The following SDK1 variants were observed in gnomAD, a reference collection of about 807,000 sequenced individuals.
SDK1 encodes the protein protein sidekick-1.
A neutral mutation model predicts 245.5 loss-of-function variants in SDK1; 157 were observed. The ratio of observed to expected loss-of-function variants is 0.64; its 90% CI spans 0.56 to 0.73. The LOEUF (loss-of-function observed/expected upper bound fraction) is 0.73. Among genes scored for constraint, SDK1 ranks in the 30% least tolerant of loss-of-function variants. The pLI, the probability that SDK1 is intolerant of heterozygous loss-of-function variation, is 0.00. For synonymous variants in SDK1, 1,647 were observed against 1,278.5 expected, an observed-to-expected ratio of 1.29 and a Z score of -6.15; for missense variants, 3,583 against 3,002.3, an observed-to-expected ratio of 1.19 and a Z score of -4.52.
At chr7:3,720,770 T>G (rs1013942337) in intron 4 of SDK1, among the ~76,000 whole-genome samples, 1 of 152,216 alleles carries the variant, frequency 6.6e-6, no homozygotes, top group Non-Finnish European at 1.5e-5. Flanking sequence ...GAATGAAAAC[T>G]ACGTTCACAC....
At chr7:3,304,060 G>A (rs1779352443) in intron 1 of SDK1, among the ~76,000 whole-genome samples, 1 of 152,122 alleles carries the variant, frequency 6.6e-6, no homozygotes, top group African/African-American at 2.4e-5. Context: ...GAGAAAAAAC[G>A]TGCGACATTG....
At chr7:3,565,399 C>T (rs554344783) in intron 1 of SDK1, among the ~76,000 whole-genome samples, 3 of 152,254 alleles carry the variant, frequency 2.0e-5, no homozygotes, top group Non-Finnish European at 2.9e-5. Flanking sequence ...ATGCTCATTA[C>T]CTCTGCTGCT....
intron 5 of SDK1, among the ~76,000 whole-genome samples, chr7:3,941,907 C>CTT (rs72338979): frequency 0.064 from 8,219 of 128,138 alleles, 904 homozygotes; most frequent in African/African-American, 0.21. Flanking sequence ...AGACTTCATT[C>CTT]TTTTTTTTTT....
chr7:3,753,817 G>T (rs534646006), intron 4 of SDK1, among the ~76,000 whole-genome samples: 2 of 152,148 alleles, frequency 1.3e-5, no homozygotes, highest in Non-Finnish European at 2.9e-5. Flanking sequence ...ATGTTTCCAC[G>T]TAGCTAGAAT....
At chr7:3,837,090 G>C (rs1186293661) in intron 5 of SDK1, among the ~76,000 whole-genome samples, 3 of 152,010 alleles carry the variant, frequency 2.0e-5, no homozygotes, top group Non-Finnish European at 4.4e-5. Flanking sequence ...ACTTCCTTAA[G>C]GGCCCTGTCT....
chr7:3,736,805 A>C (rs1779329687), intron 4 of SDK1, among the ~76,000 whole-genome samples: 1 of 152,206 alleles, frequency 6.6e-6, no homozygotes, highest in Admixed American at 6.5e-5. Flanking sequence ...GAGAACCACT[A>C]AGATCTACTT....
intron 17 of SDK1, among the ~76,000 whole-genome samples, chr7:4,036,105 CCT>C (rs1337375820): frequency 6.6e-6 from 1 of 152,160 alleles, no homozygotes; most frequent in African/African-American, 2.4e-5. Context: ...TTAATGATAA[CCT>C]CTTCAAATAT....
chr7:4,031,257 G>A (rs1028297528), intron 17 of SDK1, among the ~76,000 whole-genome samples: 2 of 152,072 alleles, frequency 1.3e-5, no homozygotes, highest in Non-Finnish European at 2.9e-5. Context: ...CGGCTTCTGT[G>A]TAATTGAAAA....
intron 17 of SDK1, among the ~76,000 whole-genome samples, chr7:4,048,200 G>A (rs58631913): frequency 0.014 from 2,153 of 152,172 alleles, 56 homozygotes; most frequent in African/African-American, 0.05. Context: ...CTTTCTCTGC[G>A]TGGATCCACA....
intron 5 of SDK1, among the ~76,000 whole-genome samples, chr7:3,918,135 C>T (rs565245891): frequency 1.3e-5 from 2 of 152,298 alleles, no homozygotes; most frequent in African/African-American, 4.8e-5. Context: ...TCAAACTCAA[C>T]AGAAGATCAG....
chr7:3,957,436 C>G (rs551744105), intron 7 of SDK1, among the ~76,000 whole-genome samples: 1 of 152,202 alleles, frequency 6.6e-6, no homozygotes, highest in African/African-American at 2.4e-5. Flanking sequence ...TTCAGTGTTA[C>G]AGTGTTACTT....
chr7:4,145,448 G>A (rs893250150), intron 28 of SDK1, among the ~76,000 whole-genome samples: 8 of 152,068 alleles, frequency 5.3e-5, no homozygotes, highest in African/African-American at 1.7e-4. Flanking sequence ...TGGCATGCTC[G>A]CCTCGTGCCC....
intron 4 of SDK1, among the ~76,000 whole-genome samples, chr7:3,705,040 G>C (rs1405523466): frequency 6.6e-6 from 1 of 152,058 alleles, no homozygotes; most frequent in African/African-American, 2.4e-5. Context: ...CTGTTTCATT[G>C]GTCTATGTGT....
intron 37 of SDK1, among the ~76,000 whole-genome samples, chr7:4,208,516 A>C (rs2128227802): frequency 6.6e-6 from 1 of 152,302 alleles, no homozygotes; most frequent in Non-Finnish European, 1.5e-5. Context: ...GGTGGGTTGG[A>C]GCAATGCATG....
intron 1 of SDK1, among the ~76,000 whole-genome samples, chr7:3,435,959 C>T (rs1192958984): frequency 6.6e-6 from 1 of 152,308 alleles, no homozygotes; most frequent in African/African-American, 2.4e-5. Context: ...AGAACTGTTG[C>T]TCTGGCCTAA....
intron 22 of SDK1, among the ~76,000 whole-genome samples, chr7:4,088,123 G>A (rs551094010): frequency 4.4e-4 from 67 of 152,286 alleles, no homozygotes; most frequent in African/African-American, 1.4e-3. Flanking sequence ...CCATGAAGCC[G>A]GATTGGAGCC....
chr7:4,220,190 C>G lies in SDK1; in HGVS notation c.5621C>G (p.Thr1874Ser). 6.2e-7 allele frequency: 1 copy of G among 1,614,088 alleles called. No homozygotes were observed. Among genetic ancestry groups the G allele is most frequent in the Non-Finnish European group, 8.5e-7 (1 of 1,180,024 alleles). Residue 1874 changes from threonine (T) to serine (S), a missense_variant, in exon 39 of 45, where the codon ACC (threonine) becomes AGC (serine). Transcript: ENST00000404826. ...GTGCGGGACCTCACCAAGGGAGTGA[C>G]CTATTTCTTCCGTGTCCAAGCGCGG... ...LKVRDLTKGV[T>S]YFFRVQARTI...
intron 4 of SDK1, among the ~76,000 whole-genome samples, chr7:3,685,315 C>G (rs1018477213): frequency 5.3e-5 from 8 of 151,852 alleles, no homozygotes; most frequent in African/African-American, 1.9e-4. Context: ...GCAAATTTTT[C>G]AATCACCAAA....
At chr7:3,967,469 C>G in intron 10 of SDK1, 35 bp downstream of exon 10, 2 of 1,284,584 alleles carry the variant, frequency 1.6e-6, no homozygotes, top group Non-Finnish European at 1.1e-6. Flanking sequence ...CAGCATGGCC[C>G]ATGTAGAACA....
Sources: gnomAD v4.1 joint callset for allele counts (sites outside exome capture counted in the v4.1 genomes callset) on GRCh38, gnomAD v4.1.1 for gene constraint, MANE v1.5 for transcripts, NCBI Gene and HGNC (gene_info 2026-07-23, HGNC 2026-07-21) for gene names.